GPR158: variants seen among roughly 807,000 people sequenced by gnomAD.
GPR158 encodes G protein-coupled receptor 158.
Under a neutral mutation model 78.2 loss-of-function variants are expected in GPR158, and 30 were observed. The observed-to-expected ratio is 0.38, with a 90% CI of 0.29 to 0.52. GPR158 has a LOEUF of 0.52. Among genes scored for constraint, GPR158 ranks in the 20% least tolerant of loss-of-function variants. The probability of loss-of-function intolerance (pLI) is 0.83; values close to 1 mark genes in which losing one functional copy is unlikely to be tolerated. For missense variants in GPR158, 1,463 were observed against 1,523.5 expected (o/e 0.96, Z 0.66); for synonymous variants, 581 against 591.1 (o/e 0.98, Z 0.25).
chr10:25,472,931 T>C (rs1395914006), intron 5 of GPR158, among the ~76,000 whole-genome samples: 1 of 152,144 alleles, frequency 6.6e-6, no homozygotes, highest in Non-Finnish European at 1.5e-5. Context: ...CTTTTCCTAA[T>C]TGAATACCCT....
intron 3 of GPR158, among the ~76,000 whole-genome samples, chr10:25,410,809 A>C (rs1411833698): frequency 6.6e-6 from 1 of 152,176 alleles, no homozygotes; most frequent in African/African-American, 2.4e-5. Context: ...ACTCTTAAAC[A>C]GCATTATATC....
rs150492453 is a variant in GPR158, at chr10:25,562,591, C to T, written c.1515-10058C>T. On this transcript the variant is annotated intron_variant, in intron 6 of 10. Transcript: ENST00000376351. ...CTTATCTGTGAATTTCCCAGTGTTC[C>T]TTCTGTTATTGATTTCTAATTCAGT... is the stretch of plus-strand genomic sequence containing the variant. Among the ~76,000 whole-genome samples, 6 of 152,072 alleles carry T rather than the reference C, an allele frequency of 3.9e-5. No homozygotes were observed. The East Asian group carries it at 1.2e-3, about 29-fold the overall frequency.
intron 1 of GPR158, among the ~76,000 whole-genome samples, chr10:25,207,359 T>G (rs1196733160): frequency 3.9e-5 from 6 of 152,160 alleles, no homozygotes; most frequent in Middle Eastern, 3.2e-3. Context: ...TTCCCCCCTT[T>G]TTAAACTGAA....
At chr10:25,572,254 G>T (rs1457255997) in intron 6 of GPR158, among the ~76,000 whole-genome samples, 1 of 152,168 alleles carries the variant, frequency 6.6e-6, no homozygotes, top group Non-Finnish European at 1.5e-5. Flanking sequence ...TGTAAGATAT[G>T]TGTTTTACTA....
At chr10:25,212,627 C>CTTTTTTTTTTTTTTTTTTT (rs10642944) in intron 1 of GPR158, among the ~76,000 whole-genome samples, 2 of 78,570 alleles carry the variant, frequency 2.5e-5, no homozygotes, top group Non-Finnish European at 4.6e-5. Flanking sequence ...GAATTTATAG[C>CTTTTTTTTTTTTTTTTTTT]TTTTTTTTTT....
chr10:25,360,850 G>A (rs1048805603), intron 2 of GPR158, among the ~76,000 whole-genome samples: 2 of 152,020 alleles, frequency 1.3e-5, no homozygotes, highest in African/African-American at 4.8e-5. Flanking sequence ...AATTACTTTG[G>A]GCAGTGTGGC....
rs1428140293 is a variant in GPR158 at position 25,479,759 on chromosome 10, C to T, written c.1404+13040C>T. Among the ~76,000 whole-genome samples, 4 of 152,060 alleles carry T rather than the reference C, an allele frequency of 2.6e-5. No homozygotes were observed. The East Asian group carries it at 5.8e-4, about 22-fold the overall frequency. On this transcript the variant is annotated intron_variant, in intron 5 of 10. Transcript: ENST00000376351. ...CATTTTATTTCAATTATGATATTCC[C>T]TTTCAATATATAGATTTAAGACCCC...
Position 25,597,059 on chromosome 10 carries a change from A to G in GPR158, c.2145+270A>G, listed in dbSNP as rs552957945. ...TGGTCAACCTCAGTAGTCTTAACTG[A>G]CTTACTGGTATTCATAGTGTTGAAC... On this transcript the variant is annotated intron_variant, in intron 10 of 10. Transcript: ENST00000376351. Among the ~76,000 whole-genome samples, 4 of 152,312 alleles carry G rather than the reference A, an allele frequency of 2.6e-5. No individual in the cohort carries two copies. The East Asian group carries it at 7.7e-4, about 29-fold the overall frequency.
intron 2 of GPR158, among the ~76,000 whole-genome samples, chr10:25,259,387 T>A (rs1176285788): frequency 6.6e-6 from 1 of 152,194 alleles, no homozygotes; most frequent in African/African-American, 2.4e-5. Flanking sequence ...CTTTTCCCAC[T>A]GATGTTCAGT....
chr10:25,379,609 G>T (rs1005696713), intron 2 of GPR158, among the ~76,000 whole-genome samples: 1 of 149,912 alleles, frequency 6.7e-6, no homozygotes, highest in Admixed American at 6.6e-5. Flanking sequence ...TTTCACTCTG[G>T]GCAGATTAAG....
At chr10:25,281,588 C>CA (rs1223666456) in intron 2 of GPR158, among the ~76,000 whole-genome samples, 2 of 151,164 alleles carry the variant, frequency 1.3e-5, no homozygotes, top group African/African-American at 4.9e-5. Flanking sequence ...AAAACAACAA[C>CA]AAAAACAACT....
At chr10:25,246,705 C>A (rs1853694976) in intron 2 of GPR158, among the ~76,000 whole-genome samples, 2 of 152,052 alleles carry the variant, frequency 1.3e-5, no homozygotes, top group Non-Finnish European at 2.9e-5. Flanking sequence ...AAATACTAGA[C>A]CTGGCTTTTA....
At chr10:25,253,295 C>A (rs1478841657) in intron 2 of GPR158, among the ~76,000 whole-genome samples, 2 of 152,196 alleles carry the variant, frequency 1.3e-5, no homozygotes, top group Non-Finnish European at 2.9e-5. Context: ...ACGCTGGGAG[C>A]TGTAGACCGG....
intron 2 of GPR158, among the ~76,000 whole-genome samples, chr10:25,273,732 T>G (rs1588769514): frequency 6.6e-6 from 1 of 152,116 alleles, no homozygotes. Flanking sequence ...CAGGCTGGAG[T>G]GCAGTGGTGT....
At chr10:25,205,272 C>G (rs1853007218) in intron 1 of GPR158, among the ~76,000 whole-genome samples, 1 of 133,526 alleles carries the variant, frequency 7.5e-6, no homozygotes, top group African/African-American at 3.0e-5. Flanking sequence ...TTTGGATCTT[C>G]TCTTTTTTTT....
intron 2 of GPR158, among the ~76,000 whole-genome samples, chr10:25,315,939 G>A (rs1035678419): frequency 2.0e-5 from 3 of 152,052 alleles, no homozygotes; most frequent in East Asian, 3.9e-4. Context: ...ACTGTATTCC[G>A]TGAGTTCTTT....
At chr10:25,392,658 T>G (rs1399454856) in intron 2 of GPR158, among the ~76,000 whole-genome samples, 2 of 152,116 alleles carry the variant, frequency 1.3e-5, no homozygotes, top group African/African-American at 2.4e-5. Flanking sequence ...CATCACTATA[T>G]TTACAGTTTT....
intron 2 of GPR158, among the ~76,000 whole-genome samples, chr10:25,280,592 C>T (rs1854253149): frequency 6.6e-6 from 1 of 152,088 alleles, no homozygotes; most frequent in African/African-American, 2.4e-5. Context: ...TAGTTAAGAA[C>T]GTTGACTTAA....
rs113732274 is a variant in GPR158 at position 25,322,937 on chromosome 10, C to T, written c.1009-72974C>T. Among the ~76,000 whole-genome samples, 1,167 of 152,242 alleles carry T rather than the reference C, an allele frequency of 7.7e-3. 13 individuals carry two copies. Among genetic ancestry groups the T allele is most frequent in the African/African-American group, 0.027 (1,119 of 41,542 alleles). ...TCTTGGCTCACTGCAAGCTCCGCCTCCCAGGTTCACGCCATTCTCCTGCCT... is the reference window on the plus strand; with the variant it reads ...TCTTGGCTCACTGCAAGCTCCGCCTTCCAGGTTCACGCCATTCTCCTGCCT... On this transcript the variant is annotated intron_variant, in intron 2 of 10. Coordinates refer to ENST00000376351, the MANE Select transcript of GPR158 (RefSeq NM_020752.3).
Sources: gnomAD v4.1 joint callset for allele counts (sites outside exome capture counted in the v4.1 genomes callset) on GRCh38, gnomAD v4.1.1 for gene constraint, MANE v1.5 for transcripts, NCBI Gene and HGNC (gene_info 2026-07-23, HGNC 2026-07-21) for gene names.